Variants in ANKRD6 observed in about 807,000 individuals in gnomAD.
ANKRD6 encodes the protein ankyrin repeat domain 6, also known as ankyrin repeat domain-containing protein 6.
In ANKRD6, 56 loss-of-function variants were observed where a neutral mutation model predicts 82.3. The observed-to-expected ratio is 0.68, with a 90% confidence interval of 0.55 to 0.85. ANKRD6 has a LOEUF of 0.85. ANKRD6 is among the 40% of genes least tolerant of loss of function. The pLI, the probability that ANKRD6 is intolerant of heterozygous loss-of-function variation, is 0.00. For synonymous variants in ANKRD6, 347 were observed against 352.1 expected (o/e 0.99, Z 0.16); for missense variants, 852 against 907.6 (o/e 0.94, Z 0.79).
rs1784475519 is a variant in ANKRD6 at position 89,541,767 on chromosome 6, TTGTC to T, written c.-143-25066_-143-25063del. On this transcript the variant is annotated intron_variant, in intron 1 of 15. Coordinates refer to ENST00000339746, the MANE Select transcript of ANKRD6 (RefSeq NM_001242809.2). ...TATCCTGCAACATTACTGTACTTGT[TTGTC>T]AGTTCCTATATATAGTTTTCATAGA... Among the ~76,000 whole-genome samples, 9 of 151,778 alleles carry T rather than the reference TTGTC, an allele frequency of 5.9e-5. No individual in the cohort carries two copies. The South Asian group carries it at 1.9e-3, about 32-fold the overall frequency.
At chr6:89,521,752 T>G (rs1287504806) in intron 1 of ANKRD6, among the ~76,000 whole-genome samples, 1 of 151,704 alleles carries the variant, frequency 6.6e-6, no homozygotes, top group East Asian at 1.9e-4. Context: ...TTGTAAAAAT[T>G]TTTTTCCTTA....
At chr6:89,586,772 G>A (rs1437663373) in intron 2 of ANKRD6, among the ~76,000 whole-genome samples, 1 of 152,224 alleles carries the variant, frequency 6.6e-6, no homozygotes, top group Non-Finnish European at 1.5e-5. Flanking sequence ...TCAGGGACAA[G>A]TGTACTGTAG....
intron 1 of ANKRD6, among the ~76,000 whole-genome samples, chr6:89,461,890 G>A (rs547447703): frequency 6.6e-6 from 1 of 152,008 alleles, no homozygotes; most frequent in African/African-American, 2.4e-5. Flanking sequence ...TTATATTTAT[G>A]TTCTACTGTA....
At chr6:89,438,587 A>T (rs1770941331) in intron 1 of ANKRD6, among the ~76,000 whole-genome samples, 1 of 152,174 alleles carries the variant, frequency 6.6e-6, no homozygotes. Context: ...TTTTTTGTAC[A>T]ATAAGGTGCT....
chr6:89,598,473 C>T, intron 3 of ANKRD6: 1 of 966,360 alleles, frequency 1.0e-6, no homozygotes, highest in Admixed American at 6.1e-5. Context: ...CTTGAGCTTC[C>T]TTGCAGTATG....
At chr6:89,483,454 C>G (rs1777019041) in intron 1 of ANKRD6, 1 of 152,268 alleles carries the variant, frequency 6.6e-6, no homozygotes, top group African/African-American at 2.4e-5. Context: ...TGAGGCTGTT[C>G]CCCAGTGGAC....
intron 1 of ANKRD6, among the ~76,000 whole-genome samples, chr6:89,440,660 G>A (rs1771257306): frequency 6.6e-6 from 1 of 152,180 alleles, no homozygotes; most frequent in South Asian, 2.1e-4. Context: ...GTGGCAGTGA[G>A]CACCTGTAGT....
intron 1 of ANKRD6, among the ~76,000 whole-genome samples, chr6:89,451,705 A>T (rs1415923699): frequency 1.3e-5 from 2 of 152,204 alleles, no homozygotes; most frequent in Non-Finnish European, 2.9e-5. Flanking sequence ...AAGAATCAAA[A>T]ACCCTAACAC....
intron 1 of ANKRD6, among the ~76,000 whole-genome samples, chr6:89,477,307 A>G (rs1776165489): frequency 6.6e-6 from 1 of 152,028 alleles, no homozygotes; most frequent in Non-Finnish European, 1.5e-5. Flanking sequence ...TTGAGAAATA[A>G]TCCCAGTCAT....
intron 1 of ANKRD6, among the ~76,000 whole-genome samples, chr6:89,474,712 C>T (rs908612192): frequency 1.3e-5 from 2 of 152,142 alleles, no homozygotes; most frequent in African/African-American, 4.8e-5. Flanking sequence ...CCACCGCTCC[C>T]AGCCTTTCTC....
At chr6:89,514,783 T>C (rs760266249) in intron 1 of ANKRD6, among the ~76,000 whole-genome samples, 1 of 152,236 alleles carries the variant, frequency 6.6e-6, no homozygotes, top group South Asian at 2.1e-4. Context: ...CAAACAGTTT[T>C]CTAAAGCAGT....
chr6:89,448,942 A>G (rs1376084480), intron 1 of ANKRD6, among the ~76,000 whole-genome samples: 2 of 148,824 alleles, frequency 1.3e-5, no homozygotes, highest in South Asian at 2.2e-4. Context: ...AGGCAGGAGA[A>G]TGGCATGAAC....
At chr6:89,463,237 T>G (rs1409725069) in intron 1 of ANKRD6, among the ~76,000 whole-genome samples, 1 of 152,202 alleles carries the variant, frequency 6.6e-6, no homozygotes, top group Non-Finnish European at 1.5e-5. Context: ...TTTTTTCATT[T>G]AGTATTTTTT....
intron 1 of ANKRD6, among the ~76,000 whole-genome samples, chr6:89,503,761 T>G (rs746418347): frequency 6.6e-6 from 1 of 152,164 alleles, no homozygotes; most frequent in African/African-American, 2.4e-5. Flanking sequence ...AGGTAACATT[T>G]GTACAAACAC....
intron 1 of ANKRD6, among the ~76,000 whole-genome samples, chr6:89,460,248 A>T (rs75130289): frequency 0.023 from 3,419 of 151,586 alleles, 57 homozygotes; most frequent in African/African-American, 0.051. Context: ...CAATTAACAA[A>T]TTTTTTCTTT....
At position 89,631,034 on chromosome 6, in the gene ANKRD6, C is replaced by T; in HGVS notation, c.*30C>T. On this transcript the variant is annotated 3_prime_UTR_variant, in exon 16 of 16. Transcript: ENST00000339746. Reference sequence around the variant, plus strand: ...AATAAAGAGGAAATATGAAAGGATTCTTGAAGATTTCCAGTTTTGCAACTG... The same window carrying T: ...AATAAAGAGGAAATATGAAAGGATTTTTGAAGATTTCCAGTTTTGCAACTG... 1 of 1,470,584 alleles carries T rather than the reference C, an allele frequency of 6.8e-7. No individual in the cohort carries two copies. The highest frequency in any genetic ancestry group is 2.7e-5 in the Admixed American group (1 of 37,292). The allele number at this position is 1,470,584 out of a possible 1,614,324, so 91.1% of individuals were successfully genotyped here.
intron 4 of ANKRD6, among the ~76,000 whole-genome samples, chr6:89,603,616 C>T (rs950214295): frequency 6.6e-6 from 1 of 152,074 alleles, no homozygotes; most frequent in African/African-American, 2.4e-5. Flanking sequence ...AAGGGATGTG[C>T]CCCAGACTTT....
intron 1 of ANKRD6, among the ~76,000 whole-genome samples, chr6:89,555,214 C>T (rs1365522347): frequency 2.0e-5 from 3 of 151,058 alleles, no homozygotes; most frequent in Non-Finnish European, 4.4e-5. Flanking sequence ...ATCCTAAAGC[C>T]CAGGAATTTC....
At chr6:89,586,814 T>C (rs1459720662) in intron 2 of ANKRD6, among the ~76,000 whole-genome samples, 1 of 152,210 alleles carries the variant, frequency 6.6e-6, no homozygotes, top group African/African-American at 2.4e-5. Flanking sequence ...CCCAGTTAAG[T>C]TGCCTGAAAT....
Sources: allele counts gnomAD v4.1 joint callset (sites outside exome capture counted in the v4.1 genomes callset), GRCh38; gene constraint gnomAD v4.1.1; transcripts MANE v1.5; gene names NCBI Gene and HGNC (gene_info 2026-07-23, HGNC 2026-07-21).